PRKN: variants seen among roughly 807,000 people sequenced by gnomAD.
PRKN encodes the protein E3 ubiquitin-protein ligase parkin.
PRKN carries 56 observed loss-of-function variants against 59.5 expected under a neutral mutation model. The ratio of observed to expected loss-of-function variants is 0.94; its 90% CI spans 0.76 to 1.18. PRKN has a LOEUF of 1.18. Ranked by LOEUF, PRKN falls within the 50% of genes most tolerant of loss-of-function variation. PRKN has a pLI of 0.00. For missense variants in PRKN, 657 were observed against 596.4 expected (o/e 1.10, Z -1.06); for synonymous variants, 250 against 222.1 (o/e 1.13, Z -1.12).
intron 5 of PRKN, among the ~76,000 whole-genome samples, chr6:162,042,694 A>G (rs1190138599): frequency 6.6e-6 from 1 of 152,128 alleles, no homozygotes; most frequent in African/African-American, 2.4e-5. Flanking sequence ...AATACTACTC[A>G]CTATTAAATA....
chr6:161,918,413 G>A (rs370310200), intron 6 of PRKN, among the ~76,000 whole-genome samples: 21 of 152,266 alleles, frequency 1.4e-4, no homozygotes, highest in East Asian at 1.3e-3. Context: ...GAGAGATTCA[G>A]CTCTACCTCT....
At chr6:162,128,863 C>A (rs1009347723) in intron 4 of PRKN, among the ~76,000 whole-genome samples, 1 of 152,172 alleles carries the variant, frequency 6.6e-6, no homozygotes, top group Non-Finnish European at 1.5e-5. Flanking sequence ...TCAGAAGACA[C>A]CTAATCTGCT....
intron 1 of PRKN, among the ~76,000 whole-genome samples, chr6:162,471,665 T>G (rs1791756209): frequency 6.6e-6 from 1 of 152,218 alleles, no homozygotes; most frequent in African/African-American, 2.4e-5. Context: ...TTATAAGTGT[T>G]CATTATTAGA....
chr6:161,381,555 T>A lies in PRKN; in HGVS notation c.1167+5239A>T, dbSNP rs1439382386. Among the ~76,000 whole-genome samples the A allele has an allele frequency of 2.0e-5, 3 of 152,342 alleles. No homozygotes were observed. In the East Asian group the frequency reaches 5.8e-4, roughly 29 times the overall value. On this transcript the variant is annotated intron_variant, in intron 10 of 11. Transcript: ENST00000366898. ...GCAAATGGTGGGTTTATTTTTCTAA[T>A]TTAGGAGGCAGATGGAAGGAACTGA...
chr6:161,957,304 G>T (rs1294536661), intron 6 of PRKN, among the ~76,000 whole-genome samples: 1 of 152,192 alleles, frequency 6.6e-6, no homozygotes, highest in East Asian at 1.9e-4. Context: ...ATATGACAGA[G>T]AGGTAGCTGA....
intron 6 of PRKN, among the ~76,000 whole-genome samples, chr6:161,958,899 G>C (rs1780278965): frequency 1.3e-5 from 2 of 150,930 alleles, no homozygotes; most frequent in African/African-American, 2.4e-5. Context: ...AAAAATGAGA[G>C]AGAAAAAAGA....
chr6:161,974,577 C>G lies in PRKN; in HGVS notation c.619-1160G>C, dbSNP rs141072146. Reference sequence around the variant, plus strand: ...ACTCTCCTTCTGTTCACTCACACACCAAGGCGTTTGGCCAGCAATTGCTTT... The same window carrying G: ...ACTCTCCTTCTGTTCACTCACACACGAAGGCGTTTGGCCAGCAATTGCTTT... On this transcript the variant is annotated intron_variant, in intron 5 of 11. Transcript: ENST00000366898. Among the ~76,000 whole-genome samples, 267 of 152,162 alleles carry G rather than the reference C, an allele frequency of 1.8e-3. 2 individuals carry two copies. The highest frequency in any genetic ancestry group is 6.1e-3 in the African/African-American group (253 of 41,504).
At chr6:161,493,736 G>T (rs192137542) in intron 9 of PRKN, among the ~76,000 whole-genome samples, 2 of 152,206 alleles carry the variant, frequency 1.3e-5, no homozygotes, top group Non-Finnish European at 2.9e-5. Flanking sequence ...GAAACAGAAC[G>T]ACGTGCATTA....
chr6:162,345,483 C>T (rs1035179332), intron 2 of PRKN, among the ~76,000 whole-genome samples: 6 of 152,152 alleles, frequency 3.9e-5, no homozygotes, highest in African/African-American at 4.8e-5. Context: ...ACTGATTGTT[C>T]GTAATTCAAG....
rs1790157610 is a variant in PRKN at position 161,460,520 on chromosome 6, G to A, written c.1084-73643C>T. On this transcript the variant is annotated intron_variant, in intron 9 of 11. Coordinates refer to ENST00000366898, the MANE Select transcript of PRKN (RefSeq NM_004562.3). The surrounding 1 kb of genome is among the most constrained non-coding windows in gnomAD (Gnocchi z 5.0). The stretch of plus-strand genomic sequence containing the variant: ...TTCTCTGAACCCCCGTGATCACTTG[G>A]GTTTGGGGAAGGAGACATGCTGGTA... Among the ~76,000 whole-genome samples, 1 of 152,118 alleles carries A rather than the reference G, an allele frequency of 6.6e-6. No homozygotes were observed. The highest frequency in any genetic ancestry group is 2.4e-5 in the African/African-American group (1 of 41,436).
At chr6:162,458,255 CAA>C (rs34337589) in intron 1 of PRKN, among the ~76,000 whole-genome samples, 10 of 65,544 alleles carry the variant, frequency 1.5e-4, no homozygotes, top group African/African-American at 1.9e-4. Flanking sequence ...GACTCTATCT[CAA>C]AAAAAAAAAA....
At chr6:161,786,691 TA>T (rs1562683995) in intron 6 of PRKN, among the ~76,000 whole-genome samples, 1 of 152,088 alleles carries the variant, frequency 6.6e-6, no homozygotes, top group Non-Finnish European at 1.5e-5. Flanking sequence ...TGCATCAAAG[TA>T]AAAACGTTAA....
chr6:161,350,003 C>CGTGT lies in PRKN; in HGVS notation c.*92_*95dup, dbSNP rs949516613. ...TGAAGAGTGTGTGTGCGCGCGCGCG[C>CGTGT]GTGTGTGTGTGTGTTTGAAAAGAGA... On this transcript the variant is annotated 3_prime_UTR_variant, in exon 12 of 12. Transcript: ENST00000366898. 5.1e-6 allele frequency: 4 copies of CGTGT among 788,612 alleles called. No individual in the cohort carries two copies. Among genetic ancestry groups the CGTGT allele is most frequent in the Non-Finnish European group, 8.6e-6 (4 of 466,130 alleles). 48.9% of individuals were successfully genotyped at this position (788,612 alleles called of 1,614,324 possible). A position where few individuals can be genotyped will look rare whatever the true frequency, so the allele number is the denominator to read the frequency against.
chr6:162,444,781 A>G (rs576556891), intron 1 of PRKN, among the ~76,000 whole-genome samples: 1 of 152,236 alleles, frequency 6.6e-6, no homozygotes, highest in East Asian at 1.9e-4. Flanking sequence ...CCTATGAAAA[A>G]TCCCCACAGA....
At chr6:162,404,150 T>C (rs955002919) in intron 2 of PRKN, among the ~76,000 whole-genome samples, 1 of 151,970 alleles carries the variant, frequency 6.6e-6, no homozygotes, top group African/African-American at 2.4e-5. Context: ...GGCAGGCGGA[T>C]CACGAGGTCA....
intron 2 of PRKN, among the ~76,000 whole-genome samples, chr6:162,404,369 GAAA>G (rs1242287906): frequency 7.5e-6 from 1 of 133,884 alleles, no homozygotes; most frequent in Non-Finnish European, 1.6e-5. Flanking sequence ...GACTCTGTCA[GAAA>G]AAAAAAAAAA....
At chr6:162,387,064 ATTTATT>A (rs1323474314) in intron 2 of PRKN, among the ~76,000 whole-genome samples, 3 of 152,082 alleles carry the variant, frequency 2.0e-5, no homozygotes, top group African/African-American at 4.8e-5. Flanking sequence ...TCATTTATTT[ATTTATT>A]TTTAAGTTAC....
In PRKN at chr6:162,075,254, G is replaced by C. The variant is rs1778771493; in HGVS notation, c.535-21080C>G. 2.0e-5 allele frequency among the ~76,000 whole-genome samples: 3 copies of C among 152,008 alleles called. No individual in the cohort carries two copies. In the South Asian group the frequency reaches 6.2e-4, roughly 32 times the overall value. On this transcript the variant is annotated intron_variant, in intron 4 of 11. Transcript: ENST00000366898. ...ATAAAGATTCATAGTTACCTCAGCT[G>C]GCTTTATGATCTTGATAATTATGAC...
intron 1 of PRKN, among the ~76,000 whole-genome samples, chr6:162,699,310 T>C (rs930906101): frequency 6.6e-6 from 1 of 152,166 alleles, no homozygotes; most frequent in Non-Finnish European, 1.5e-5. Flanking sequence ...CAAATCAATA[T>C]ATAATCAAAT....
Sources: gnomAD v4.1 joint callset for allele counts (sites outside exome capture counted in the v4.1 genomes callset) on GRCh38, gnomAD v4.1.1 for gene constraint, Gnocchi (gnomAD v3.1) non-coding constraint, MANE v1.5 for transcripts, NCBI Gene and HGNC (gene_info 2026-07-23, HGNC 2026-07-21) for gene names.